RPS6KC1: variants seen among roughly 807,000 people sequenced by gnomAD.
The protein encoded by RPS6KC1 is ribosomal protein S6 kinase C1.
A neutral mutation model predicts 103.8 loss-of-function variants in RPS6KC1; 54 were observed. The ratio of observed to expected loss-of-function variants is 0.52; its 90% CI spans 0.42 to 0.65. The LOEUF (loss-of-function observed/expected upper bound fraction) is 0.65. Among genes scored for constraint, RPS6KC1 ranks in the 30% least tolerant of loss-of-function variants. The pLI is 0.00. For synonymous variants in RPS6KC1, 439 were observed against 438.7 expected (o/e 1.00, Z -0.01); for missense variants, 1,151 against 1,253.8 (o/e 0.92, Z 1.24).
At chr1:213,849,655 G>T in the RPS6KC1 span, among the ~76,000 whole-genome samples, 1 of 151,976 alleles carries the variant, frequency 6.6e-6, no homozygotes, top group Non-Finnish European at 1.5e-5. Flanking sequence ...AACAATTGAG[G>T]ATCTGTATAT....
the RPS6KC1 span, among the ~76,000 whole-genome samples, chr1:213,482,032 C>A: frequency 6.6e-6 from 1 of 152,176 alleles, no homozygotes; most frequent in East Asian, 1.9e-4. Flanking sequence ...ATGTGAGACA[C>A]CTGCTCCTGC....
Position 213,124,289 on chromosome 1 carries a change from A to G in RPS6KC1, c.473-5238A>G, listed in dbSNP as rs139817243. ...GAAGGATGCACCTTTTACTCTTGCG[A>G]TGGCCCAGAGGGCCTCTTTAAGTAT... On this transcript the variant is annotated intron_variant, in intron 5 of 14. Coordinates refer to ENST00000366960, the MANE Select transcript of RPS6KC1 (RefSeq NM_012424.6). 8.8e-4 allele frequency among the ~76,000 whole-genome samples: 134 copies of G among 152,280 alleles called. 1 individual carries two copies. The Middle Eastern group carries it at 0.017, about 19-fold the overall frequency.
chr1:213,208,332 A>G lies in RPS6KC1; in HGVS notation c.1045-22165A>G, dbSNP rs368308656. ...TTGTTATTCTGGGAATCTCTTCACCAGTCTTCTGTATTACTTTTCAATTCC... is the reference window on the plus strand; with the variant it reads ...TTGTTATTCTGGGAATCTCTTCACCGGTCTTCTGTATTACTTTTCAATTCC... On this transcript the variant is annotated intron_variant, in intron 8 of 14. Coordinates refer to ENST00000366960, the MANE Select transcript of RPS6KC1 (RefSeq NM_012424.6). Among the ~76,000 whole-genome samples, 26 of 152,254 alleles carry G rather than the reference A, an allele frequency of 1.7e-4. No homozygotes were observed. In the East Asian group the frequency reaches 3.9e-3, roughly 23 times the overall value.
intron 6 of RPS6KC1, among the ~76,000 whole-genome samples, chr1:213,145,656 A>C (rs2087671254): frequency 6.6e-6 from 1 of 152,138 alleles, no homozygotes; most frequent in African/African-American, 2.4e-5. Flanking sequence ...AAGGAGTAAT[A>C]GTACTGTGGA....
At chr1:213,242,431 A>G in intron 11 of RPS6KC1, 134 bp downstream of exon 11, 1 of 1,147,226 alleles carries the variant, frequency 8.7e-7, no homozygotes, top group Non-Finnish European at 1.3e-6. Flanking sequence ...ATTCACCCCC[A>G]GTAATAGCTT....
the RPS6KC1 span, among the ~76,000 whole-genome samples, chr1:213,757,070 C>A: frequency 6.6e-6 from 1 of 152,046 alleles, no homozygotes; most frequent in Non-Finnish European, 1.5e-5. Flanking sequence ...GTTGTTCCAC[C>A]ATCTCTCTCC....
the RPS6KC1 span, among the ~76,000 whole-genome samples, chr1:213,376,875 G>C: frequency 6.6e-6 from 1 of 152,220 alleles, no homozygotes; most frequent in South Asian, 2.1e-4. Context: ...GAAGTAGTGC[G>C]AGATAATACA....
chr1:213,547,211 A>C, the RPS6KC1 span, among the ~76,000 whole-genome samples: 1 of 152,224 alleles, frequency 6.6e-6, no homozygotes, highest in African/African-American at 2.4e-5. Context: ...GACCTCAGCC[A>C]TACTCTTTTA....
chr1:213,540,878 T>C, the RPS6KC1 span, among the ~76,000 whole-genome samples: 2 of 152,120 alleles, frequency 1.3e-5, no homozygotes, highest in Non-Finnish European at 2.9e-5. Context: ...CCTAGCATCT[T>C]AACCAGGAGT....
At chr1:213,627,971 C>T in the RPS6KC1 span, among the ~76,000 whole-genome samples, 3 of 152,128 alleles carry the variant, frequency 2.0e-5, no homozygotes, top group Admixed American at 1.3e-4. Context: ...TCTTTTTCTA[C>T]TGATTGGAAT....
At chr1:213,712,999 A>G in the RPS6KC1 span, among the ~76,000 whole-genome samples, 1 of 152,076 alleles carries the variant, frequency 6.6e-6, no homozygotes, top group Admixed American at 6.5e-5. Flanking sequence ...CTGTAAAGGC[A>G]CTTTTTAAAA....
chr1:213,703,286 TATATC>T, the RPS6KC1 span, among the ~76,000 whole-genome samples: 1 of 152,210 alleles, frequency 6.6e-6, no homozygotes, highest in East Asian at 1.9e-4. Flanking sequence ...TGTTTCTACT[TATATC>T]TTATTGTACT....
At chr1:213,238,909 A>T (rs2094288808) in intron 10 of RPS6KC1, among the ~76,000 whole-genome samples, 2 of 152,174 alleles carry the variant, frequency 1.3e-5, no homozygotes, top group Admixed American at 1.3e-4. Flanking sequence ...TTTTATTTGG[A>T]TTGCATACAA....
the RPS6KC1 span, among the ~76,000 whole-genome samples, chr1:213,346,717 A>G: frequency 6.6e-6 from 1 of 152,210 alleles, no homozygotes; most frequent in African/African-American, 2.4e-5. Flanking sequence ...TACTGTTTAC[A>G]TAAAAACTGT....
the RPS6KC1 span, among the ~76,000 whole-genome samples, chr1:213,454,148 G>GGC: frequency 5.6e-5 from 4 of 71,778 alleles, no homozygotes; most frequent in African/African-American, 3.3e-4. Context: ...TTGACCACAT[G>GGC]GGGGGGGTCA....
chr1:213,359,048 G>A, the RPS6KC1 span, among the ~76,000 whole-genome samples: 1 of 152,342 alleles, frequency 6.6e-6, no homozygotes, highest in Non-Finnish European at 1.5e-5. Context: ...TAGGGGTGGA[G>A]AGTTCTGTAG....
the RPS6KC1 span, among the ~76,000 whole-genome samples, chr1:213,286,503 C>T: frequency 1.3e-5 from 2 of 152,124 alleles, no homozygotes; most frequent in Non-Finnish European, 2.9e-5. Context: ...TATTTAAATG[C>T]ACAACTTGAC....
the RPS6KC1 span, among the ~76,000 whole-genome samples, chr1:213,822,654 A>G: frequency 3.3e-5 from 5 of 152,154 alleles, no homozygotes; most frequent in South Asian, 1.0e-3. Context: ...TCCTCTCCCA[A>G]TCTTCCCCAT....
intron 4 of RPS6KC1, among the ~76,000 whole-genome samples, chr1:213,108,669 TA>T (rs1176796120): frequency 3.3e-5 from 5 of 150,874 alleles, no homozygotes; most frequent in African/African-American, 1.2e-4. Flanking sequence ...TTTTTTTTTT[TA>T]AAGAATTGGG....
Sources: gnomAD v4.1 joint callset for allele counts (sites outside exome capture counted in the v4.1 genomes callset) on GRCh38, gnomAD v4.1.1 for gene constraint, MANE v1.5 for transcripts, NCBI Gene and HGNC (gene_info 2026-07-23, HGNC 2026-07-21) for gene names.